Variants in TAF1B observed in about 807,000 individuals in gnomAD.
TAF1B encodes TATA-box binding protein associated factor, RNA polymerase I subunit B.
TAF1B carries 61 observed loss-of-function variants against 83.9 expected under a neutral mutation model. The ratio of observed to expected loss-of-function variants is 0.73; its 90% confidence interval spans 0.59 to 0.90. TAF1B has a LOEUF of 0.90. TAF1B is among the 40% of genes least tolerant of loss of function. The pLI, the probability that TAF1B is intolerant of heterozygous loss-of-function variation, is 0.00. For synonymous variants in TAF1B, 221 were observed against 224.6 expected (o/e 0.98, Z 0.14); for missense variants, 625 against 677.0 (o/e 0.92, Z 0.85).
chr2:9,915,713 A>T (rs759334013), intron 12 of TAF1B, among the ~76,000 whole-genome samples: 9 of 152,214 alleles, frequency 5.9e-5, no homozygotes, highest in Non-Finnish European at 1.0e-4. Flanking sequence ...TACATTTATT[A>T]TGTTATCCAG....
In TAF1B at chr2:9,857,732, CAG is replaced by C. The variant is rs551204240; in HGVS notation, c.399+3318_399+3319del. Among the ~76,000 whole-genome samples, 355 of 152,196 alleles carry C rather than the reference CAG, an allele frequency of 2.3e-3. 3 individuals carry two copies. The highest frequency in any genetic ancestry group is 8.4e-3 in the African/African-American group (350 of 41,524). The stretch of plus-strand genomic sequence containing the variant: ...ATGTCTTACATGGCAGCAGGAGAGA[CAG>C]AGAGAGTGCGTGCGTGTGAGCAAGC... On this transcript the variant is annotated intron_variant, in intron 5 of 14. Coordinates refer to ENST00000263663, the MANE Select transcript of TAF1B (RefSeq NM_005680.3).
intron 9 of TAF1B, among the ~76,000 whole-genome samples, chr2:9,908,082 G>A (rs1407350237): frequency 1.5e-5 from 1 of 68,886 alleles, no homozygotes; most frequent in Non-Finnish European, 3.1e-5. Flanking sequence ...GTCTCACTCT[G>A]TCACCCAGGC....
Position 9,851,861 on chromosome 2 carries a change from T to C in TAF1B, c.303+223T>C, listed in dbSNP as rs143941951. On this transcript the variant is annotated intron_variant, in intron 4 of 14. Transcript: ENST00000263663. ...ATCCAAAAGAAAAATTTAAAGGTTT[T>C]AGTCTTCAGATACTTAGGAAACAAC... The C allele has an allele frequency of 1.4e-4, 90 of 643,962 alleles. No individual in the cohort carries two copies. In the East Asian group the frequency reaches 2.0e-3, roughly 15 times the overall value. 39.9% of individuals were successfully genotyped at this position (643,962 alleles called of 1,614,324 possible).
chr2:9,848,534 C>T (rs189279734), intron 2 of TAF1B, among the ~76,000 whole-genome samples: 11 of 152,198 alleles, frequency 7.2e-5, no homozygotes, highest in Admixed American at 6.5e-4. Flanking sequence ...GGCGTGATGG[C>T]GCATGCCTTT....
At chr2:9,915,831 A>C (rs1192306538) in intron 12 of TAF1B, among the ~76,000 whole-genome samples, 1 of 152,266 alleles carries the variant, frequency 6.6e-6, no homozygotes, top group Non-Finnish European at 1.5e-5. Flanking sequence ...AAAAACTGGC[A>C]ACAAACCACA....
chr2:9,872,017 A>G (rs1325318217), intron 6 of TAF1B, among the ~76,000 whole-genome samples: 3 of 152,158 alleles, frequency 2.0e-5, no homozygotes, highest in African/African-American at 7.2e-5. Flanking sequence ...ACTTGGCTGC[A>G]TGGATTTGGG....
chr2:9,925,680 G>A (rs963139696), intron 14 of TAF1B, among the ~76,000 whole-genome samples: 1 of 151,578 alleles, frequency 6.6e-6, no homozygotes, highest in Non-Finnish European at 1.5e-5. Flanking sequence ...GGGTTCAAGC[G>A]ATTCTTGTGC....
chr2:9,930,950 G>T (rs1266561726), intron 14 of TAF1B, among the ~76,000 whole-genome samples: 2 of 152,098 alleles, frequency 1.3e-5, no homozygotes, highest in Non-Finnish European at 2.9e-5. Flanking sequence ...TTTGATCTTT[G>T]TTGGTTTAAA....
chr2:9,930,596 A>G lies in TAF1B; in HGVS notation c.1566-3187A>G, dbSNP rs140058577. Reference sequence around the variant, plus strand: ...TGCTTTACTTCCAACTATGTGGTCAATTTTGGAGTAAGTGTGATGTGGTGC... The same window carrying G: ...TGCTTTACTTCCAACTATGTGGTCAGTTTTGGAGTAAGTGTGATGTGGTGC... On this transcript the variant is annotated intron_variant, in intron 14 of 14. Transcript: ENST00000263663. 7.0e-3 allele frequency among the ~76,000 whole-genome samples: 1,072 copies of G among 152,284 alleles called. 14 individuals carry two copies. The highest frequency in any genetic ancestry group is 0.025 in the African/African-American group (1,032 of 41,560).
intron 12 of TAF1B, chr2:9,913,512 T>C (rs1572279186): frequency 6.7e-6 from 2 of 299,352 alleles, no homozygotes; most frequent in South Asian, 1.4e-4. Flanking sequence ...CAGTATACTT[T>C]TTATAATTTA....
chr2:9,930,649 G>A (rs562269159), intron 14 of TAF1B, among the ~76,000 whole-genome samples: 59 of 152,038 alleles, frequency 3.9e-4, no homozygotes, highest in Admixed American at 9.2e-4. Context: ...CTGTTGATTT[G>A]GGGTGGAGAG....
chr2:9,843,501 G>T lies in TAF1B; in HGVS notation c.-41G>T, dbSNP rs1316346677. On this transcript the variant is annotated 5_prime_UTR_variant, in exon 1 of 15. Transcript: ENST00000263663. ...TTCCCGGAAGCTGCGCTCGCTACCC[G>T]GGTAACGGGTCCCGGCTGTGGAAGC... The T allele has an allele frequency of 3.3e-6, 5 of 1,521,502 alleles. No homozygotes were observed. The highest frequency in any genetic ancestry group is 4.4e-6 in the Non-Finnish European group (5 of 1,130,202). The allele number at this position is 1,521,502 out of a possible 1,614,324, so 94.3% of individuals were successfully genotyped here. A position where few individuals can be genotyped will look rare whatever the true frequency, so the allele number is the denominator to read the frequency against.
intron 4 of TAF1B, among the ~76,000 whole-genome samples, chr2:9,853,578 C>T (rs915208352): frequency 6.6e-6 from 1 of 152,020 alleles, no homozygotes; most frequent in Non-Finnish European, 1.5e-5. Context: ...AGTAATCCTC[C>T]CACCTCAGCC....
intron 8 of TAF1B, among the ~76,000 whole-genome samples, chr2:9,895,629 T>A (rs1664993784): frequency 6.6e-6 from 1 of 152,220 alleles, no homozygotes. Flanking sequence ...ATTTTATTCT[T>A]TTTCCATAAA....
intron 5 of TAF1B, among the ~76,000 whole-genome samples, chr2:9,860,733 G>A (rs952038480): frequency 1.3e-5 from 2 of 152,244 alleles, no homozygotes; most frequent in African/African-American, 4.8e-5. Context: ...GAAGAGGGCA[G>A]TGATCAGCTG....
intron 7 of TAF1B, among the ~76,000 whole-genome samples, chr2:9,882,497 G>T (rs973824857): frequency 2.0e-5 from 3 of 152,136 alleles, no homozygotes; most frequent in African/African-American, 7.2e-5. Flanking sequence ...GAACTTAAGA[G>T]AATCATTCAG....
intron 2 of TAF1B, chr2:9,845,815 T>G (rs1404812697): frequency 7.4e-6 from 2 of 268,770 alleles, no homozygotes; most frequent in Non-Finnish European, 1.5e-5. Flanking sequence ...AAACTCCGTC[T>G]CTACTAAAAA....
chr2:9,911,116 T>A (rs1572276608), intron 10 of TAF1B, among the ~76,000 whole-genome samples: 1 of 152,378 alleles, frequency 6.6e-6, no homozygotes, highest in East Asian at 1.9e-4. Flanking sequence ...AATTATTTCT[T>A]ACACAGTACT....
At chr2:9,906,524 A>G (rs1177317096) in intron 9 of TAF1B, among the ~76,000 whole-genome samples, 2 of 152,222 alleles carry the variant, frequency 1.3e-5, no homozygotes, top group African/African-American at 4.8e-5. Flanking sequence ...ATCAGAAACA[A>G]ATATCCAAAA....
Sources: allele counts gnomAD v4.1 joint callset (sites outside exome capture counted in the v4.1 genomes callset), GRCh38; gene constraint gnomAD v4.1.1; transcripts MANE v1.5; gene names NCBI Gene and HGNC (gene_info 2026-07-23, HGNC 2026-07-21).